TSPAN15: variants seen among roughly 807,000 people sequenced by gnomAD.
The protein encoded by TSPAN15 is tetraspanin-15.
Under a neutral mutation model 34.5 loss-of-function variants are expected in TSPAN15, and 20 were observed. The observed-to-expected ratio is 0.58, with a 90% CI of 0.41 to 0.84. TSPAN15 has a LOEUF of 0.84. TSPAN15 is among the 40% of genes least tolerant of loss of function. The pLI is 0.00. For missense variants in TSPAN15, 313 were observed against 386.1 expected, an observed-to-expected ratio of 0.81 and a Z score of 1.59; for synonymous variants, 155 against 153.9, an observed-to-expected ratio of 1.01 and a Z score of -0.05.
chr10:69,462,854 G>A (rs932210231), intron 1 of TSPAN15, among the ~76,000 whole-genome samples: 1 of 152,238 alleles, frequency 6.6e-6, no homozygotes, highest in Non-Finnish European at 1.5e-5. Context: ...ACACAGTTGG[G>A]AGAGGCCCAG....
At chr10:69,499,823 C>A (rs939085764) in intron 5 of TSPAN15, among the ~76,000 whole-genome samples, 1 of 152,096 alleles carries the variant, frequency 6.6e-6, no homozygotes, top group Non-Finnish European at 1.5e-5. Flanking sequence ...GCATTCCTGG[C>A]AGCAAGAACA....
chr10:69,478,000 T>A (rs1841652505), intron 1 of TSPAN15, among the ~76,000 whole-genome samples: 1 of 152,086 alleles, frequency 6.6e-6, no homozygotes, highest in African/African-American at 2.4e-5. Context: ...AGGTGAAAAA[T>A]GAGGCCCACA....
At chr10:69,503,285 C>G (rs75594140) in intron 5 of TSPAN15, among the ~76,000 whole-genome samples, 2 of 152,174 alleles carry the variant, frequency 1.3e-5, no homozygotes, top group Non-Finnish European at 2.9e-5. Flanking sequence ...AACCCTCTCT[C>G]GGAAGGAGAG....
downstream of TSPAN15, among the ~76,000 whole-genome samples, chr10:69,509,601 G>A (rs1010446964): frequency 5.9e-5 from 9 of 152,208 alleles, no homozygotes; most frequent in East Asian, 1.5e-3. Context: ...GATCCCATTT[G>A]TCAATTTTGG....
intron 1 of TSPAN15, among the ~76,000 whole-genome samples, chr10:69,470,011 G>T (rs1841471837): frequency 6.6e-6 from 1 of 152,212 alleles, no homozygotes; most frequent in Admixed American, 6.5e-5. Flanking sequence ...TCTTTGTGGT[G>T]ATATTTTACC....
chr10:69,527,231 G>A, the TSPAN15 span, among the ~76,000 whole-genome samples: 81,193 of 146,956 alleles, frequency 0.55, 25,760 homozygotes, highest in African/African-American at 0.64. Context: ...CCTGGGCCAC[G>A]TTGGAAAAAG....
At chr10:69,536,297 A>G in the TSPAN15 span, among the ~76,000 whole-genome samples, 2 of 152,164 alleles carry the variant, frequency 1.3e-5, no homozygotes, top group Non-Finnish European at 2.9e-5. Context: ...GACCAGTATT[A>G]TATTGTCATG....
the TSPAN15 span, among the ~76,000 whole-genome samples, chr10:69,544,882 C>T: frequency 6.6e-6 from 1 of 152,200 alleles, no homozygotes; most frequent in African/African-American, 2.4e-5. Flanking sequence ...CTGGCTCAGC[C>T]AGAGCAAATC....
At chr10:69,549,149 A>G in the TSPAN15 span, among the ~76,000 whole-genome samples, 5 of 152,138 alleles carry the variant, frequency 3.3e-5, no homozygotes, top group Non-Finnish European at 5.9e-5. Context: ...TATGTTACCC[A>G]TAATTAGATG....
At chr10:69,468,768 T>TA (rs201774466) in intron 1 of TSPAN15, among the ~76,000 whole-genome samples, 20,763 of 146,762 alleles carry the variant, frequency 0.14, 1,816 homozygotes, top group Non-Finnish European at 0.19. Context: ...TCCATCTGAT[T>TA]AAAAAAAAAA....
At chr10:69,453,147 G>GA (rs779837006) in intron 1 of TSPAN15, among the ~76,000 whole-genome samples, 5 of 152,132 alleles carry the variant, frequency 3.3e-5, no homozygotes, top group Non-Finnish European at 7.4e-5. Flanking sequence ...AGTATGTTTG[G>GA]GGGGCGGAGG....
chr10:69,520,647 C>T, the TSPAN15 span, among the ~76,000 whole-genome samples: 1 of 152,282 alleles, frequency 6.6e-6, no homozygotes, highest in East Asian at 1.9e-4. Flanking sequence ...CAGAGCAAGA[C>T]CTTGTCTCAA....
the TSPAN15 span, among the ~76,000 whole-genome samples, chr10:69,514,439 T>G: frequency 6.6e-6 from 1 of 152,228 alleles, no homozygotes; most frequent in African/African-American, 2.4e-5. Context: ...GTGGTATTTC[T>G]TCTTTAAAAG....
intron 3 of TSPAN15, among the ~76,000 whole-genome samples, chr10:69,486,206 C>T (rs1191934689): frequency 6.6e-6 from 1 of 152,192 alleles, no homozygotes; most frequent in Non-Finnish European, 1.5e-5. Context: ...AGGGCTGACT[C>T]CAACCCAGGG....
the TSPAN15 span, chr10:69,523,454 A>G: frequency 1.8e-6 from 1 of 553,182 alleles, no homozygotes. Context: ...AACCTGGCCC[A>G]AAGGGGCTTT....
chr10:69,515,761 C>G, the TSPAN15 span, among the ~76,000 whole-genome samples: 1 of 152,182 alleles, frequency 6.6e-6, no homozygotes, highest in Non-Finnish European at 1.5e-5. Flanking sequence ...GCAGAAGGCA[C>G]AAACGTTCCC....
chr10:69,539,996 C>T, the TSPAN15 span, among the ~76,000 whole-genome samples: 1 of 151,930 alleles, frequency 6.6e-6, no homozygotes, highest in African/African-American at 2.4e-5. Flanking sequence ...TCACTGTCAC[C>T]CAGGCTGCCA....
the TSPAN15 span, chr10:69,523,356 AG>A: frequency 1.8e-6 from 1 of 559,378 alleles, no homozygotes; most frequent in Non-Finnish European, 3.3e-6. Flanking sequence ...TCCCTCCCAC[AG>A]GGGCCAAAGT....
chr10:69,535,570 TA>T, the TSPAN15 span, among the ~76,000 whole-genome samples: 3 of 152,196 alleles, frequency 2.0e-5, no homozygotes, highest in Admixed American at 6.5e-5. Context: ...AACCAAATAA[TA>T]AACACCTTAT....
Sources: gnomAD v4.1 joint callset for allele counts (sites outside exome capture counted in the v4.1 genomes callset) on GRCh38, gnomAD v4.1.1 for gene constraint, MANE v1.5 for transcripts, NCBI Gene and HGNC (gene_info 2026-07-23, HGNC 2026-07-21) for gene names.